Variants in THSD7B observed in about 807,000 individuals in gnomAD.
The protein encoded by THSD7B is thrombospondin type 1 domain containing 7B.
THSD7B carries 138 observed loss-of-function variants against 213.6 expected under a neutral mutation model. That is an observed-to-expected ratio of 0.65 (90% CI 0.56 to 0.74). The LOEUF is 0.74. THSD7B is among the 30% of genes least tolerant of loss of function. The probability of loss-of-function intolerance (pLI) is 0.00; values close to 1 mark genes in which losing one functional copy is unlikely to be tolerated. For missense variants in THSD7B, 1,931 were observed against 1,991.5 expected (o/e 0.97, Z 0.58); for synonymous variants, 742 against 687.0 (o/e 1.08, Z -1.25).
chr2:137,000,252 C>A (rs780759095), intron 2 of THSD7B, among the ~76,000 whole-genome samples: 1 of 152,100 alleles, frequency 6.6e-6, no homozygotes, highest in South Asian at 2.1e-4. Flanking sequence ...GTTGAGGAAA[C>A]CCTGCTTAAC....
At chr2:136,780,994 G>A (rs971316979) in intron 1 of THSD7B, among the ~76,000 whole-genome samples, 8 of 152,026 alleles carry the variant, frequency 5.3e-5, no homozygotes, top group Non-Finnish European at 1.0e-4. Flanking sequence ...AGCATATAAA[G>A]AGTATGTGTA....
At chr2:137,082,965 C>G (rs1687774978) in intron 3 of THSD7B, among the ~76,000 whole-genome samples, 1 of 152,046 alleles carries the variant, frequency 6.6e-6, no homozygotes, top group Non-Finnish European at 1.5e-5. Flanking sequence ...GTGCTTATCT[C>G]TATATCTGTA....
intron 5 of THSD7B, among the ~76,000 whole-genome samples, chr2:137,124,854 T>C (rs2104947092): frequency 6.6e-6 from 1 of 152,326 alleles, no homozygotes; most frequent in African/African-American, 2.4e-5. Flanking sequence ...TTACCATCTT[T>C]TTTGTGGTGA....
In THSD7B at chr2:136,830,258, AT is replaced by A. The variant is rs1682729743; in HGVS notation, c.-35-51883del. Among the ~76,000 whole-genome samples the A allele has an allele frequency of 2.6e-5, 4 of 152,314 alleles. No homozygotes were observed. The South Asian group carries it at 8.3e-4, about 32-fold the overall frequency. On this transcript the variant is annotated intron_variant, in intron 1 of 27. Coordinates refer to ENST00000409968, the MANE Select transcript of THSD7B (RefSeq NM_001316349.2). Reference sequence around the variant, plus strand: ...GTAATCAAGGGTGCAGATGTTTGGCATTTGACAAATGAAATTTTTTATGTAA... The same window carrying A: ...GTAATCAAGGGTGCAGATGTTTGGCATTGACAAATGAAATTTTTTATGTAA...
chr2:136,871,374 A>T (rs971157743), intron 1 of THSD7B, among the ~76,000 whole-genome samples: 1 of 152,214 alleles, frequency 6.6e-6, no homozygotes, highest in Non-Finnish European at 1.5e-5. Context: ...GTCTGAGGAC[A>T]GAGTCAGAGC....
chr2:137,039,980 A>G (rs1686850852), intron 2 of THSD7B, among the ~76,000 whole-genome samples: 1 of 152,134 alleles, frequency 6.6e-6, no homozygotes. Flanking sequence ...GACTGCTTCT[A>G]TGGAACCTCT....
chr2:137,284,222 A>G (rs1683111480), intron 12 of THSD7B, among the ~76,000 whole-genome samples: 1 of 152,038 alleles, frequency 6.6e-6, no homozygotes, highest in African/African-American at 2.4e-5. Flanking sequence ...GGTAGTTTGT[A>G]TTTCTGTGGG....
At chr2:136,931,685 A>G (rs1198015642) in intron 2 of THSD7B, among the ~76,000 whole-genome samples, 1 of 152,186 alleles carries the variant, frequency 6.6e-6, no homozygotes, top group Admixed American at 6.5e-5. Context: ...GTGTTTAGTC[A>G]AACACTAGCC....
chr2:137,628,224 C>A (rs1286124728), intron 20 of THSD7B, among the ~76,000 whole-genome samples: 1 of 152,162 alleles, frequency 6.6e-6, no homozygotes, highest in Non-Finnish European at 1.5e-5. Context: ...TCCATAGATG[C>A]AGTCACCCTA....
chr2:137,415,121 C>A (rs1234103215), intron 14 of THSD7B, among the ~76,000 whole-genome samples: 2 of 150,978 alleles, frequency 1.3e-5, no homozygotes, highest in East Asian at 2.0e-4. Flanking sequence ...AAATCTGGAT[C>A]TCCCAATAAG....
chr2:137,591,899 T>G (rs1380550531), intron 17 of THSD7B, among the ~76,000 whole-genome samples: 1 of 151,882 alleles, frequency 6.6e-6, no homozygotes, highest in African/African-American at 2.4e-5. Flanking sequence ...TTTCTTTGTG[T>G]TTTTAAAATA....
At chr2:137,640,502 C>T (rs1682919615) in intron 20 of THSD7B, among the ~76,000 whole-genome samples, 1 of 152,210 alleles carries the variant, frequency 6.6e-6, no homozygotes. Context: ...TTGCTCATGT[C>T]TACCCAGCAG....
chr2:137,339,003 T>A (rs1558762989), intron 12 of THSD7B, among the ~76,000 whole-genome samples: 1 of 152,112 alleles, frequency 6.6e-6, no homozygotes, highest in Non-Finnish European at 1.5e-5. Flanking sequence ...AATAGATACA[T>A]GATCACCACT....
chr2:136,951,647 G>T lies in THSD7B; in HGVS notation c.139+69330G>T, dbSNP rs1172989109. Reference sequence around the variant, plus strand: ...TTCATCTTTTGCCAATACTACCAGAGGTAAAGAATAGTATTCTGTGGGGGA... The same window carrying T: ...TTCATCTTTTGCCAATACTACCAGATGTAAAGAATAGTATTCTGTGGGGGA... On this transcript the variant is annotated intron_variant, in intron 2 of 27. Transcript: ENST00000409968. 2.6e-5 allele frequency among the ~76,000 whole-genome samples: 4 copies of T among 152,272 alleles called. No individual in the cohort carries two copies. In the East Asian group the frequency reaches 7.7e-4, roughly 29 times the overall value.
At chr2:137,175,327 C>T (rs1303163392) in intron 7 of THSD7B, among the ~76,000 whole-genome samples, 2 of 152,180 alleles carry the variant, frequency 1.3e-5, no homozygotes, top group Non-Finnish European at 1.5e-5. Context: ...GATAATGCAA[C>T]ATACAATCTG....
Position 137,512,111 on chromosome 2 carries a change from C to T in THSD7B, c.3139-51110C>T, listed in dbSNP as rs555556092. The T allele has an allele frequency of 3.9e-5, 6 of 152,096 alleles. No individual in the cohort carries two copies. The East Asian group carries it at 5.8e-4, about 15-fold the overall frequency. 9.4% of individuals were successfully genotyped at this position (152,096 alleles called of 1,614,324 possible). The stretch of plus-strand genomic sequence containing the variant: ...AATAATTATTTTGAATAATTTTGAC[C>T]AATTTTAAACTTTTCTCCCATCCAA... On this transcript the variant is annotated intron_variant, in intron 15 of 27. Transcript: ENST00000409968.
rs776738321 is a variant in THSD7B, at chr2:137,056,809, C to A, written c.529C>A (p.Pro177Thr). The A allele has an allele frequency of 6.2e-7, 1 of 1,613,766 alleles. No individual in the cohort carries two copies. Among genetic ancestry groups the A allele is most frequent in the South Asian group, 1.1e-5 (1 of 91,080 alleles). ...AGAACAGGCTTGCCTCATTCCTTGTCCCCGGGATTGTGTAGTATCTGAGTT... is the reference window on the plus strand; with the variant it reads ...AGAACAGGCTTGCCTCATTCCTTGTACCCGGGATTGTGTAGTATCTGAGTT... ...PTEQACLIPC[P>T]RDCVVSEFLP... Residue 177 changes from proline (P) to threonine (T), a missense_variant, in exon 3 of 28, where the codon CCC (proline) becomes ACC (threonine). By Grantham distance (38) the Pro-to-Thr change is conservative. Coordinates refer to ENST00000409968, the MANE Select transcript of THSD7B (RefSeq NM_001316349.2).
intron 12 of THSD7B, among the ~76,000 whole-genome samples, chr2:137,330,119 G>A (rs1285640587): frequency 1.3e-5 from 2 of 152,174 alleles, no homozygotes; most frequent in African/African-American, 4.8e-5. Flanking sequence ...TGAGGTTTGG[G>A]AACCTCTGCC....
chr2:136,848,295 C>T (rs1368371697), intron 1 of THSD7B, among the ~76,000 whole-genome samples: 1 of 152,128 alleles, frequency 6.6e-6, no homozygotes, highest in African/African-American at 2.4e-5. Context: ...ATCAGAATCA[C>T]CTGGAAGGCT....
Sources: gnomAD v4.1 joint callset for allele counts (sites outside exome capture counted in the v4.1 genomes callset) on GRCh38, gnomAD v4.1.1 for gene constraint, MANE v1.5 for transcripts, NCBI Gene and HGNC (gene_info 2026-07-23, HGNC 2026-07-21) for gene names.